CELSR3: variants seen among roughly 807,000 people sequenced by gnomAD.
The protein encoded by CELSR3 is cadherin EGF LAG seven-pass G-type receptor 3, also known as EGF-like protein 1.
Under a neutral mutation model 270.0 loss-of-function variants are expected in CELSR3, and 73 were observed. The observed-to-expected ratio is 0.27, with a 90% CI of 0.22 to 0.33. The LOEUF (loss-of-function observed/expected upper bound fraction) is 0.33, where lower values mean the gene tolerates loss of function less well. CELSR3 is among the 10% of genes least tolerant of loss of function. The pLI, the probability that CELSR3 is intolerant of heterozygous loss-of-function variation, is 1.00. For synonymous variants in CELSR3, 1,780 were observed against 1,905.4 expected, an observed-to-expected ratio of 0.93 and a Z score of 1.71; for missense variants, 3,614 against 4,533.8, an observed-to-expected ratio of 0.80 and a Z score of 5.83.
Position 48,646,279 on chromosome 3 carries a change from C to G in CELSR3, c.7296-22G>C, listed in dbSNP as rs370986995. 1.9e-6 allele frequency: 3 copies of G among 1,599,312 alleles called. No homozygotes were observed. The highest frequency in any genetic ancestry group is 2.7e-5 in the African/African-American group (2 of 74,632). The stretch of plus-strand genomic sequence containing the variant: ...AAGCCTGGGGAGACACCCATCTGGG[C>G]TTACGCACTGCTGACCTCCCCATGC... On this transcript the variant is annotated intron_variant, in intron 21 of 34. Transcript: ENST00000164024. This position sits in a 1 kb window ranked among gnomAD's most constrained non-coding sequence, Gnocchi z 4.8.
Position 48,657,202 on chromosome 3 carries a change from C to A in CELSR3, c.3895G>T (p.Val1299Leu). 3.1e-6 allele frequency: 5 copies of A among 1,613,910 alleles called. No individual in the cohort carries two copies. Among genetic ancestry groups the A allele is most frequent in the Non-Finnish European group, 4.2e-6 (5 of 1,179,948 alleles). Residue 1299 changes from valine to leucine, a missense_variant, in exon 2 of 35, where the codon GTG (valine) becomes TTG (leucine). Transcript: ENST00000164024. This position sits in a 1 kb window ranked among gnomAD's most constrained non-coding sequence, Gnocchi z 5.4. The stretch of plus-strand genomic sequence containing the variant: ...GCGGGCGTAGCGAGCACCGCAGCCA[C>A]GCCCTCGAGGAAGCGGCCCAGCAGC... ...SPLLGRFLEG[V>L]AAVLATPAED...
At position 48,657,393 on chromosome 3, in the gene CELSR3, C is replaced by T. The variant is rs768313637; in HGVS notation, c.3749-45G>A. 20 of 1,509,034 alleles carry T rather than the reference C, an allele frequency of 1.3e-5. No homozygotes were observed. Among genetic ancestry groups the T allele is most frequent in the Non-Finnish European group, 1.5e-5 (17 of 1,129,470 alleles). The allele number at this position is 1,509,034 out of a possible 1,614,324, so 93.5% of individuals were successfully genotyped here. On this transcript the variant is annotated intron_variant, in intron 1 of 34. Coordinates refer to ENST00000164024, the MANE Select transcript of CELSR3 (RefSeq NM_001407.3). This position sits in a 1 kb window ranked among gnomAD's most constrained non-coding sequence, Gnocchi z 5.4. ...CAGTGGTCATCCTGGGGACAGTGGC[C>T]ACCCCTCCCTGGGACACAAGAGGGC... is the stretch of plus-strand genomic sequence containing the variant.
At position 48,650,718 on chromosome 3, in the gene CELSR3, A is replaced by G. The variant is rs2047129792; in HGVS notation, c.6371-137T>C. ...GGCTTCTCAGGAGCTGACCTGTCAG[A>G]TTCTGTGACAGGTCAGCAAAGTACT... is the stretch of plus-strand genomic sequence containing the variant. On this transcript the variant is annotated intron_variant, in intron 15 of 34. Transcript: ENST00000164024. The surrounding 1 kb of genome is among the most constrained non-coding windows in gnomAD (Gnocchi z 5.1). 1 of 1,022,590 alleles carries G rather than the reference A, an allele frequency of 9.8e-7. No homozygotes were observed. The highest frequency in any genetic ancestry group is 1.4e-6 in the Non-Finnish European group (1 of 704,358). 63.3% of individuals were successfully genotyped at this position (1,022,590 alleles called of 1,614,324 possible).
rs1443717455 is a variant in CELSR3 at position 48,661,251 on chromosome 3, C to T, written c.1384G>A (p.Ala462Thr). The change falls in exon 1 of 35, where the codon GCG (alanine) becomes ACG (threonine). Residue 462 changes from alanine to threonine, a missense_variant. By Grantham distance (58) the Ala-to-Thr change is moderately conservative. Coordinates refer to ENST00000164024, the MANE Select transcript of CELSR3 (RefSeq NM_001407.3). ...TAGCGCAGGTTGGCGTTGGGGGGCGCGTCGCCGTCAGTGGCACGCAGCTGC... is the reference window on the plus strand; with the variant it reads ...TAGCGCAGGTTGGCGTTGGGGGGCGTGTCGCCGTCAGTGGCACGCAGCTGC... The part of the protein sequence containing the change: ...ILQLRATDGD[A>T]PPNANLRYRF... 6 of 1,608,784 alleles carry T rather than the reference C, an allele frequency of 3.7e-6. No homozygotes were observed. The highest frequency in any genetic ancestry group is 1.3e-5 in the African/African-American group (1 of 74,894).
At position 48,643,107 on chromosome 3, in the gene CELSR3, C is replaced by T. The variant is rs756710830; in HGVS notation, c.8290-24G>A. ...CCCTGTGGGTCAGCGAGGGTCAAAG[C>T]AGAGTCGGCAGGGATCAATCAGGGA... On this transcript the variant is annotated intron_variant, in intron 28 of 34. Transcript: ENST00000164024. The T allele has an allele frequency of 7.4e-6, 11 of 1,479,322 alleles. 1 individual carries two copies. In the East Asian group the frequency reaches 2.3e-4, roughly 30 times the overall value. The allele number at this position is 1,479,322 out of a possible 1,614,324, so 91.6% of individuals were successfully genotyped here. A position where few individuals can be genotyped will look rare whatever the true frequency, so the allele number is the denominator to read the frequency against.
rs1226230891 is a variant in CELSR3, at chr3:48,640,372, C to G, written c.9213G>C (p.Gln3071His). The G allele has an allele frequency of 6.2e-7, 1 of 1,612,682 alleles. No individual in the cohort carries two copies. The highest frequency in any genetic ancestry group is 1.1e-5 in the South Asian group (1 of 91,066). The change falls in exon 34 of 35, where the codon CAG becomes CAC. Residue 3071 changes from glutamine (Q) to histidine (H), a missense_variant. Physicochemically the swap from Gln to His is conservative, Grantham distance 24 (BLOSUM62 0). This residue lies in a region of CELSR3 where 1,240 missense variants were observed against 1,351.7 expected (regional missense o/e 0.92). Transcript: ENST00000164024. This position sits in a 1 kb window ranked among gnomAD's most constrained non-coding sequence, Gnocchi z 7.5. ...QPASRYSSREQLDLLLRRQLS... is the reference protein window; with the variant it reads ...QPASRYSSREHLDLLLRRQLS... Reference sequence around the variant, plus strand: ...GTTGCCGCCGGAGGAGCAGGTCCAGCTGTTCTCTAGAAGAGTAGCGGCTGG... The same window carrying G: ...GTTGCCGCCGGAGGAGCAGGTCCAGGTGTTCTCTAGAAGAGTAGCGGCTGG...
Position 48,646,697 on chromosome 3 carries a change from C to A in CELSR3, c.7295+66G>T, listed in dbSNP as rs2047087492. On this transcript the variant is annotated intron_variant, in intron 21 of 34. Transcript: ENST00000164024. The surrounding 1 kb of genome is among the most constrained non-coding windows in gnomAD (Gnocchi z 4.8). ...GTGTGTTGTGAACCTACGCATCTACCCACCAAAAAAGGGGCTGCCAGGCTG... is the reference window on the plus strand; with the variant it reads ...GTGTGTTGTGAACCTACGCATCTACACACCAAAAAAGGGGCTGCCAGGCTG... 6.6e-7 allele frequency: 1 copy of A among 1,516,628 alleles called. No homozygotes were observed. Among genetic ancestry groups the A allele is most frequent in the South Asian group, 1.2e-5 (1 of 81,178 alleles). The allele number at this position is 1,516,628 out of a possible 1,614,324, so 93.9% of individuals were successfully genotyped here.
In CELSR3 at chr3:48,649,148, G is replaced by T; in HGVS notation, c.6540C>A (p.Ser2180=). The change falls in exon 17 of 35, where the codon TCC becomes TCA. Residue 2180 remains serine, a synonymous_variant. Transcript: ENST00000164024. ...WLEPDLFNCT[S]PAFRELSLLL... ...GCAGACTGAGCTCTCGAAAGGCAGG[G>T]GAGGTACAGTTGAAGAGGTCGGGCT... 1 of 1,612,680 alleles carries T rather than the reference G, an allele frequency of 6.2e-7. No individual in the cohort carries two copies. Among genetic ancestry groups the T allele is most frequent in the South Asian group, 1.1e-5 (1 of 90,802 alleles).
In CELSR3 at chr3:48,655,073, C is replaced by G. The variant is rs752787609; in HGVS notation, c.4959G>C (p.Ala1653=). The G allele has an allele frequency of 6.2e-7, 1 of 1,613,800 alleles. No individual in the cohort carries two copies. The highest frequency in any genetic ancestry group is 8.5e-7 in the Non-Finnish European group (1 of 1,179,872). ...TGGAGCTTGTTTGCACACCAGCAGC[C>G]GCGCATGAGTAGTTGCCAATCTCAG... is the stretch of plus-strand genomic sequence containing the variant. ...FGAEIGNYSC[A]AAGVQTSSKK... is the part of the protein sequence containing the mutation. Residue 1653 remains alanine, a synonymous_variant, in exon 6 of 35, where the codon GCG becomes GCC. Transcript: ENST00000164024. This position sits in a 1 kb window ranked among gnomAD's most constrained non-coding sequence, Gnocchi z 5.8.
In CELSR3 at chr3:48,651,991, G is replaced by C. The variant is rs901590445; in HGVS notation, c.5809C>G (p.Arg1937Gly). 2.5e-6 allele frequency: 4 copies of C among 1,590,552 alleles called. No individual in the cohort carries two copies. The African/African-American group carries it at 4.1e-5, about 16-fold the overall frequency. Residue 1937 changes from arginine (R) to glycine (G), a missense_variant, in exon 12 of 35, where the codon CGA becomes GGA. By Grantham distance (125) the Arg-to-Gly change is moderately radical. This residue lies in a region of CELSR3 where 1,331 missense variants were observed against 1,933.7 expected (regional missense o/e 0.69). Transcript: ENST00000164024. This position sits in a 1 kb window ranked among gnomAD's most constrained non-coding sequence, Gnocchi z 7.4. The stretch of plus-strand genomic sequence containing the variant: ...ACACAGCCAGGCTCCGCATTCACTC[G>C]GTGGCTGGGGGGTAGCAGGGCCGGG... ...GSPALLPPSH[R>G]VNAEPGCVVT...
rs868600719 is a variant in CELSR3 at position 48,642,182 on chromosome 3, G to A, written c.8666-173C>T. ...GCTGGGACTTATCAGAGGGAAGGACGAATCAGGAGTGGACTGGGAGAACCA... is the reference window on the plus strand; with the variant it reads ...GCTGGGACTTATCAGAGGGAAGGACAAATCAGGAGTGGACTGGGAGAACCA... On this transcript the variant is annotated intron_variant, in intron 31 of 34. Transcript: ENST00000164024. This position sits in a 1 kb window ranked among gnomAD's most constrained non-coding sequence, Gnocchi z 6.1. The A allele has an allele frequency of 3.1e-5, 27 of 868,428 alleles. No individual in the cohort carries two copies. The highest frequency in any genetic ancestry group is 3.1e-4 in the South Asian group (17 of 55,688). The allele number at this position is 868,428 out of a possible 1,614,324, so 53.8% of individuals were successfully genotyped here.
chr3:48,648,257 A>T lies in CELSR3; in HGVS notation c.6973+9T>A. 1.9e-6 allele frequency: 1 copy of T among 515,174 alleles called. No individual in the cohort carries two copies. Among genetic ancestry groups the T allele is most frequent in the Non-Finnish European group, 3.4e-6 (1 of 291,428 alleles). The allele number at this position is 515,174 out of a possible 1,614,324, so 31.9% of individuals were successfully genotyped here. Reference sequence around the variant, plus strand: ...TGCTGTGCCCCGCCCTACCCCACCCACAACGCACTGATATTAGGCGTCACC... The same window carrying T: ...TGCTGTGCCCCGCCCTACCCCACCCTCAACGCACTGATATTAGGCGTCACC... On this transcript the variant is annotated intron_variant, in intron 19 of 34. Coordinates refer to ENST00000164024, the MANE Select transcript of CELSR3 (RefSeq NM_001407.3).
chr3:48,645,371 T>G lies in CELSR3; in HGVS notation c.7797+72A>C, dbSNP rs547944527. On this transcript the variant is annotated intron_variant, in intron 24 of 34. Coordinates refer to ENST00000164024, the MANE Select transcript of CELSR3 (RefSeq NM_001407.3). The surrounding 1 kb of genome is among the most constrained non-coding windows in gnomAD (Gnocchi z 5.4). ...CCTGAGCATCCCTGACCTCTGACCCTGAGTTTTGGCCCCAGGCCTCCTGGG... is the reference window on the plus strand; with the variant it reads ...CCTGAGCATCCCTGACCTCTGACCCGGAGTTTTGGCCCCAGGCCTCCTGGG... The G allele has an allele frequency of 6.3e-7, 1 of 1,593,672 alleles. No individual in the cohort carries two copies. Among genetic ancestry groups the G allele is most frequent in the African/African-American group, 1.3e-5 (1 of 74,502 alleles).
chr3:48,646,643 T>G lies in CELSR3; in HGVS notation c.7295+120A>C. On this transcript the variant is annotated intron_variant, in intron 21 of 34. Transcript: ENST00000164024. This position sits in a 1 kb window ranked among gnomAD's most constrained non-coding sequence, Gnocchi z 4.8. ...AGATTCACACAGAACCCGGCAAGGA[T>G]GGGGCTCCCTGGAGCTGTGCTCCTC... is the stretch of plus-strand genomic sequence containing the variant. The G allele has an allele frequency of 9.6e-7, 1 of 1,044,778 alleles. No individual in the cohort carries two copies. Among genetic ancestry groups the G allele is most frequent in the Non-Finnish European group, 1.4e-6 (1 of 721,976 alleles). The allele number at this position is 1,044,778 out of a possible 1,614,324, so 64.7% of individuals were successfully genotyped here. A position where few individuals can be genotyped will look rare whatever the true frequency, so the allele number is the denominator to read the frequency against.
Position 48,656,754 on chromosome 3 carries a change from C to T in CELSR3, c.4343G>A (p.Gly1448Glu), listed in dbSNP as rs1193408933. Reference protein sequence around the residue: ...LCYSNPCRNGGACARREGGYT... With the variant: ...LCYSNPCRNGEACARREGGYT... Reference sequence around the variant, plus strand: ...GCCTCCCTCGCGCCGCGCGCAGGCTCCGCCGTTGCGACATGGGTTGGAGTA... The same window carrying T: ...GCCTCCCTCGCGCCGCGCGCAGGCTTCGCCGTTGCGACATGGGTTGGAGTA... The change falls in exon 2 of 35, where the codon GGA (glycine) becomes GAA (glutamate). Residue 1448 changes from glycine (G) to glutamate (E), a missense_variant. Gly to Glu is a moderately conservative substitution (Grantham distance 98, BLOSUM62 -2). Transcript: ENST00000164024. 6.5e-7 allele frequency: 1 copy of T among 1,546,344 alleles called. No homozygotes were observed. Among genetic ancestry groups the T allele is most frequent in the Non-Finnish European group, 8.7e-7 (1 of 1,147,480 alleles).
At position 48,639,956 on chromosome 3, in the gene CELSR3, C is replaced by T. The variant is rs200533765; in HGVS notation, c.9629G>A (p.Arg3210Gln). The change falls in exon 34 of 35, where the codon CGG (arginine) becomes CAG (glutamine). Residue 3210 changes from arginine (R) to glutamine (Q), a missense_variant. By Grantham distance (43) the Arg-to-Gln change is conservative (BLOSUM62 1). This residue lies in a region of CELSR3 where 1,240 missense variants were observed against 1,351.7 expected (regional missense o/e 0.92). Coordinates refer to ENST00000164024, the MANE Select transcript of CELSR3 (RefSeq NM_001407.3). The surrounding 1 kb of genome is among the most constrained non-coding windows in gnomAD (Gnocchi z 4.1). The part of the protein sequence containing the change: ...SREQLDQVPS[R>Q]HPSREALGPL... ...CCCAAGGGCTTCTCGTGAGGGGTGC[C>T]GGCTAGGCACCTGGTCCAGCTGCTC... is the stretch of plus-strand genomic sequence containing the variant. 101 of 1,612,710 alleles carry T rather than the reference C, an allele frequency of 6.3e-5. No individual in the cohort carries two copies. The highest frequency in any genetic ancestry group is 8.3e-5 in the Admixed American group (5 of 59,974).
In CELSR3 at chr3:48,646,798, G is replaced by C. The variant is rs767540026; in HGVS notation, c.7260C>G (p.Leu2420=). 1 of 1,610,504 alleles carries C rather than the reference G, an allele frequency of 6.2e-7. No homozygotes were observed. The highest frequency in any genetic ancestry group is 1.7e-5 in the Admixed American group (1 of 59,742). The change falls in exon 21 of 35, where the codon CTC becomes CTG. Residue 2420 remains leucine (L), a synonymous_variant. Coordinates refer to ENST00000164024, the MANE Select transcript of CELSR3 (RefSeq NM_001407.3). The surrounding 1 kb of genome is among the most constrained non-coding windows in gnomAD (Gnocchi z 4.8). ...GGCGTTCTGCCTGGAACTGGGCAGG[G>C]AGCAGTCCCCCTAAGGTGCGGTAAA... ...LLVYRTLGGL[L]PAQFQAERRG...
intron 28 of CELSR3, 123 bp from the exon 29 acceptor site, chr3:48,643,206 C>A: frequency 2.9e-6 from 2 of 698,256 alleles, no homozygotes; most frequent in Non-Finnish European, 5.0e-6. Flanking sequence ...GGAGCCCATG[C>A]GGGACTCAGT....
chr3:48,640,568 G>A lies in CELSR3; in HGVS notation c.9026-9C>T. 6.4e-7 allele frequency: 1 copy of A among 1,555,152 alleles called. No homozygotes were observed. Among genetic ancestry groups the A allele is most frequent in the African/African-American group, 1.4e-5 (1 of 73,620 alleles). ...CCGGTTCTTCAGGATGCCTGTGAGAGGAAGAAAATGGGGGGCAGGGTTTGT... is the reference window on the plus strand; with the variant it reads ...CCGGTTCTTCAGGATGCCTGTGAGAAGAAGAAAATGGGGGGCAGGGTTTGT... On this transcript the variant is annotated splice_polypyrimidine_tract_variant and intron_variant, in intron 33 of 34. Transcript: ENST00000164024. The surrounding 1 kb of genome is among the most constrained non-coding windows in gnomAD (Gnocchi z 7.5).
Sources: allele counts gnomAD v4.1 joint callset, GRCh38; gene constraint gnomAD v4.1.1; regional missense constraint gnomAD v4.1.1; non-coding constraint Gnocchi (gnomAD v3.1); transcripts MANE v1.5; gene names NCBI Gene and HGNC (gene_info 2026-07-23, HGNC 2026-07-21).